NT5C3A: variants seen among roughly 807,000 people sequenced by gnomAD.
NT5C3A encodes the protein cytosolic 5'-nucleotidase 3A.
In NT5C3A, 23 loss-of-function variants were observed where a neutral mutation model predicts 40.0. The ratio of observed to expected loss-of-function variants is 0.58; its 90% CI spans 0.41 to 0.81. The LOEUF (loss-of-function observed/expected upper bound fraction) is 0.81. Among genes scored for constraint, NT5C3A ranks in the 40% least tolerant of loss-of-function variants. The pLI is 0.00. For missense variants in NT5C3A, 328 were observed against 403.0 expected (o/e 0.81, Z 1.59); for synonymous variants, 130 against 141.4 (o/e 0.92, Z 0.57).
chr7:33,019,792 A>C, intron 5 of NT5C3A, 68 bp from the exon 6 acceptor site: 1 of 903,006 alleles, frequency 1.1e-6, no homozygotes, highest in Non-Finnish European at 1.8e-6. Flanking sequence ...TCTTTATTAC[A>C]AAACATTCTT....
intron 2 of NT5C3A, 95 bp downstream of exon 2, chr7:33,026,722 G>A (rs1785961855): frequency 1.2e-6 from 1 of 833,910 alleles, no homozygotes; most frequent in Non-Finnish European, 2.0e-6. Flanking sequence ...TCGAACTCCT[G>A]GGCTCAAGTG....
At chr7:33,042,624 T>C (rs1786976755) in intron 1 of NT5C3A, among the ~76,000 whole-genome samples, 2 of 152,194 alleles carry the variant, frequency 1.3e-5, no homozygotes, top group Admixed American at 6.5e-5. Flanking sequence ...TACATCACTT[T>C]GAAAGATGAT....
chr7:33,014,117 T>C (rs781420612), downstream of NT5C3A: 17 of 422,362 alleles, frequency 4.0e-5, no homozygotes, highest in South Asian at 2.9e-4. Flanking sequence ...TAAAGATAGT[T>C]TTGACCATAG....
intron 1 of NT5C3A, among the ~76,000 whole-genome samples, chr7:33,035,713 A>G (rs1477381067): frequency 6.6e-6 from 1 of 152,260 alleles, no homozygotes; most frequent in Non-Finnish European, 1.5e-5. Flanking sequence ...GAAACATTTT[A>G]TATTCTGAGA....
intron 1 of NT5C3A, among the ~76,000 whole-genome samples, chr7:33,027,918 A>ATTT (rs144313571): frequency 0.053 from 8,106 of 152,290 alleles, 261 homozygotes; most frequent in East Asian, 0.16. Context: ...TAATACATAC[A>ATTT]TTTAGCTTGC....
chr7:33,030,563 C>T (rs7793793), intron 1 of NT5C3A, among the ~76,000 whole-genome samples: 116,144 of 152,072 alleles, frequency 0.76, 44,766 homozygotes, highest in African/African-American at 0.86. Context: ...AAAGCCGCAG[C>T]GTAAAATGTT....
chr7:33,042,328 C>G (rs754656104), intron 1 of NT5C3A, among the ~76,000 whole-genome samples: 11 of 149,996 alleles, frequency 7.3e-5, no homozygotes, highest in Non-Finnish European at 1.3e-4. Context: ...AAAACTGTCT[C>G]AAAAAAAACA....
intron 1 of NT5C3A, among the ~76,000 whole-genome samples, chr7:33,060,090 A>T (rs1466902180): frequency 1.3e-5 from 2 of 151,856 alleles, no homozygotes; most frequent in Admixed American, 6.6e-5. Flanking sequence ...GTGGGACTAC[A>T]CTACAAGTGT....
intron 1 of NT5C3A, among the ~76,000 whole-genome samples, chr7:33,042,279 G>A (rs1228994931): frequency 6.6e-6 from 1 of 151,952 alleles, no homozygotes; most frequent in East Asian, 1.9e-4. Flanking sequence ...GCAGTGAGCT[G>A]AGATTGCGCC....
At chr7:33,028,290 A>T (rs1786058436) in intron 1 of NT5C3A, among the ~76,000 whole-genome samples, 1 of 152,210 alleles carries the variant, frequency 6.6e-6, no homozygotes, top group Non-Finnish European at 1.5e-5. Flanking sequence ...GTAGGCTGCT[A>T]CTACAGAGTT....
intron 1 of NT5C3A, among the ~76,000 whole-genome samples, chr7:33,028,749 T>C (rs1230980310): frequency 6.6e-6 from 1 of 151,988 alleles, no homozygotes; most frequent in Non-Finnish European, 1.5e-5. Context: ...GACTGGAAGA[T>C]GATAACGAAA....
chr7:33,059,226 T>A (rs1451878911), intron 1 of NT5C3A, among the ~76,000 whole-genome samples: 1 of 152,256 alleles, frequency 6.6e-6, no homozygotes, highest in East Asian at 1.9e-4. Context: ...AGCCTTCCAT[T>A]TTCAGTTGCT....
intron 1 of NT5C3A, among the ~76,000 whole-genome samples, chr7:33,038,503 T>A: frequency 6.6e-6 from 1 of 152,148 alleles, no homozygotes; most frequent in Admixed American, 6.5e-5. Flanking sequence ...AGGACCTTTT[T>A]TTTTTTTTTG....
intron 1 of NT5C3A, among the ~76,000 whole-genome samples, chr7:33,033,741 AAG>A (rs1358050303): frequency 6.6e-6 from 1 of 151,980 alleles, no homozygotes; most frequent in Non-Finnish European, 1.5e-5. Flanking sequence ...ATATGGGAAA[AAG>A]AGAAATAGCT....
intron 8 of NT5C3A, 71 bp downstream of exon 8, chr7:33,015,599 A>G: frequency 2.0e-6 from 2 of 981,434 alleles, no homozygotes; most frequent in South Asian, 1.4e-5. Context: ...TCAGGTGACT[A>G]TGGCAACAAT....
Position 33,017,537 on chromosome 7 carries a change from C to A in NT5C3A, c.595G>T (p.Ala199Ser), listed in dbSNP as rs764882558. ...TCCTCTAGTACATCGCCGATTCCAG[C>A]CGAAAATATGAACACGGGGATGCTA... is the stretch of plus-strand genomic sequence containing the variant. ...QHSIPVFIFS[A>S]GIGDVLEEVI... is the part of the protein sequence containing the mutation. The change falls in exon 7 of 9, where the codon GCT (alanine) becomes TCT (serine). Residue 199 changes from alanine (A) to serine (S), a missense_variant. Transcript: ENST00000610140. The A allele has an allele frequency of 1.9e-6, 3 of 1,613,738 alleles. No homozygotes were observed. In the Admixed American group the frequency reaches 5.0e-5, roughly 27 times the overall value.
chr7:33,028,851 C>T (rs556189862), intron 1 of NT5C3A, among the ~76,000 whole-genome samples: 18 of 152,120 alleles, frequency 1.2e-4, no homozygotes, highest in Middle Eastern at 3.4e-3. Context: ...GTCAGGAGAT[C>T]GAGACCATCC....
chr7:33,045,393 A>G (rs1787101955), intron 1 of NT5C3A, among the ~76,000 whole-genome samples: 1 of 152,234 alleles, frequency 6.6e-6, no homozygotes, highest in African/African-American at 2.4e-5. Flanking sequence ...TTTAAAATGT[A>G]TAAGGAGCAG....
chr7:33,040,659 T>C (rs566478274), intron 1 of NT5C3A, among the ~76,000 whole-genome samples: 1 of 152,340 alleles, frequency 6.6e-6, no homozygotes, highest in South Asian at 2.1e-4. Context: ...TTAGAACATA[T>C]AAAATGTAAT....
Sources: allele counts gnomAD v4.1 joint callset (sites outside exome capture counted in the v4.1 genomes callset), GRCh38; gene constraint gnomAD v4.1.1; transcripts MANE v1.5; gene names NCBI Gene and HGNC (gene_info 2026-07-23, HGNC 2026-07-21).